Variants in RB1 observed in about 807,000 individuals in gnomAD.
RB1 encodes the protein retinoblastoma-associated protein.
RB1 carries 18 observed loss-of-function variants against 135.4 expected under a neutral mutation model. The observed-to-expected ratio is 0.13, with a 90% CI of 0.09 to 0.20. The LOEUF (loss-of-function observed/expected upper bound fraction) is 0.20. RB1 is among the 10% of genes least tolerant of loss of function. The pLI, the probability that RB1 is intolerant of heterozygous loss-of-function variation, is 1.00. For synonymous variants in RB1, 365 were observed against 373.2 expected, an observed-to-expected ratio of 0.98 and a Z score of 0.25; for missense variants, 868 against 1,110.0, an observed-to-expected ratio of 0.78 and a Z score of 3.10.
intron 6 of RB1, among the ~76,000 whole-genome samples, chr13:48,354,429 G>C (rs566840121): frequency 3.3e-5 from 5 of 151,806 alleles, no homozygotes. Context: ...AGAAATTGAA[G>C]AGCACACCAA....
rs1593445085 is a variant in RB1 at position 48,362,818 on chromosome 13, C to T, written c.722C>T (p.Thr241Ile). Residue 241 changes from threonine to isoleucine, a missense_variant, in exon 8 of 27, where the codon ACA becomes ATA. Around this residue, in one of 3 missense-constraint regions of RB1, gnomAD observed 641 missense variants for 791.3 expected, o/e 0.81. Transcript: ENST00000267163. Reference protein sequence around the residue: ...PPMLLKEPYKTAVIPINGSPR... With the variant: ...PPMLLKEPYKIAVIPINGSPR... ...ATCTAATTTACCACTTTTACAGAAA[C>T]AGCTGTTATACCCATTAATGGTTCA... 6.2e-7 allele frequency: 1 copy of T among 1,613,442 alleles called. No individual in the cohort carries two copies. Among genetic ancestry groups the T allele is most frequent in the Non-Finnish European group, 8.5e-7 (1 of 1,179,554 alleles).
intron 17 of RB1, among the ~76,000 whole-genome samples, chr13:48,419,586 ATGAAT>A (rs1246474189): frequency 6.6e-6 from 1 of 152,210 alleles, no homozygotes; most frequent in African/African-American, 2.4e-5. Context: ...CAAAAAATCA[ATGAAT>A]CCAGGAGCTG....
In RB1 at chr13:48,449,639, A is replaced by G. The variant is rs1425562671; in HGVS notation, c.1696-3354A>G. Among the ~76,000 whole-genome samples, 4 of 152,100 alleles carry G rather than the reference A, an allele frequency of 2.6e-5. No individual in the cohort carries two copies. The East Asian group carries it at 5.8e-4, about 22-fold the overall frequency. ...TAGCTGGGCACCATGGCGCATTCCTATAGTCCCAGCTACTCAGGAGGCTGC... is the reference window on the plus strand; with the variant it reads ...TAGCTGGGCACCATGGCGCATTCCTGTAGTCCCAGCTACTCAGGAGGCTGC... On this transcript the variant is annotated intron_variant, in intron 17 of 26. Coordinates refer to ENST00000267163, the MANE Select transcript of RB1 (RefSeq NM_000321.3).
rs764881599 is a variant in RB1 at position 48,345,184 on chromosome 13, T to A, written c.485T>A (p.Phe162Tyr). The change falls in exon 4 of 27, where the codon TTC becomes TAC. Residue 162 changes from phenylalanine (F) to tyrosine (Y), a missense_variant. Around this residue, in one of 3 missense-constraint regions of RB1, gnomAD observed 641 missense variants for 791.3 expected, o/e 0.81. Transcript: ENST00000267163. Reference sequence around the variant, plus strand: ...AAGTATGATGTATTGTTTGCACTCTTCAGCAAATTGGAAAGGTAAAGTAAA... The same window carrying A: ...AAGTATGATGTATTGTTTGCACTCTACAGCAAATTGGAAAGGTAAAGTAAA... ...LKKYDVLFALFSKLERTCELI... is the reference protein window; with the variant it reads ...LKKYDVLFALYSKLERTCELI... 48 of 1,612,342 alleles carry A rather than the reference T, an allele frequency of 3.0e-5. No individual in the cohort carries two copies. In the South Asian group the frequency reaches 4.3e-4, roughly 14 times the overall value.
At chr13:48,410,401 G>A (rs930521638) in intron 17 of RB1, among the ~76,000 whole-genome samples, 8 of 152,142 alleles carry the variant, frequency 5.3e-5, no homozygotes, top group Non-Finnish European at 1.2e-4. Flanking sequence ...GTGTAATAGT[G>A]TATACCTTCT....
At chr13:48,472,505 T>C (rs533413878) in intron 23 of RB1, among the ~76,000 whole-genome samples, 6 of 152,198 alleles carry the variant, frequency 3.9e-5, no homozygotes, top group Admixed American at 2.0e-4. Flanking sequence ...TGAAAATGTA[T>C]ACTTAGGTAG....
chr13:48,333,537 T>A (rs780002108), intron 2 of RB1, among the ~76,000 whole-genome samples: 1 of 152,106 alleles, frequency 6.6e-6, no homozygotes, highest in Non-Finnish European at 1.5e-5. Context: ...AGGTTATGTA[T>A]CATCTGTTCA....
chr13:48,363,023 A>G (rs1952657721), intron 8 of RB1, 66 bp downstream of exon 8: 1 of 1,572,758 alleles, frequency 6.4e-7, no homozygotes, highest in East Asian at 2.3e-5. Flanking sequence ...CTCCCTAACA[A>G]TATTTACTTC....
At chr13:48,475,890 G>A (rs1013335495) in intron 24 of RB1, among the ~76,000 whole-genome samples, 28 of 152,300 alleles carry the variant, frequency 1.8e-4, no homozygotes, top group African/African-American at 6.7e-4. Context: ...AAGGACAGTT[G>A]GAACTGGCTA....
intron 1 of RB1, 31 bp downstream of exon 1, chr13:48,304,080 C>G (rs773624735): frequency 7.2e-7 from 1 of 1,390,194 alleles, no homozygotes; most frequent in Non-Finnish European, 9.2e-7. Flanking sequence ...TCGCCTCACG[C>G]GGGAAGGGCG....
At chr13:48,363,644 T>A (rs1952664868) in intron 8 of RB1, among the ~76,000 whole-genome samples, 1 of 152,176 alleles carries the variant, frequency 6.6e-6, no homozygotes, top group Non-Finnish European at 1.5e-5. Context: ...ATACCAACAT[T>A]AAATTTCTGT....
intron 17 of RB1, chr13:48,445,175 T>A (rs1027472434): frequency 6.6e-6 from 1 of 152,150 alleles, no homozygotes; most frequent in Non-Finnish European, 1.5e-5. Context: ...GCAATATGGA[T>A]TATGGTGGAC....
rs193005479 is a variant in RB1, at chr13:48,337,960, A to C, written c.265-4639A>C. ...ATGAAGCCTAGTTTGGCTGGATATG[A>C]AATTCTGGGTTGAAAATTCTTTTCT... On this transcript the variant is annotated intron_variant, in intron 2 of 26. Transcript: ENST00000267163. Among the ~76,000 whole-genome samples, 157 of 152,332 alleles carry C rather than the reference A, an allele frequency of 1.0e-3. 1 individual carries two copies. Among genetic ancestry groups the C allele is most frequent in the Non-Finnish European group, 1.7e-3 (117 of 68,030 alleles).
Position 48,481,356 on chromosome 13 carries a change from C to T in RB1, c.*1285C>T, listed in dbSNP as rs1466423488. 4.3e-6 allele frequency: 1 copy of T among 231,986 alleles called. No individual in the cohort carries two copies. The highest frequency in any genetic ancestry group is 8.5e-6 in the Non-Finnish European group (1 of 117,306). 14.4% of individuals were successfully genotyped at this position (231,986 alleles called of 1,614,324 possible). ...GAAAAAGAGGCGCTTCTCCCCTCCC[C>T]TACACCTAAAGGTGTATTTAAACTA... On this transcript the variant is annotated 3_prime_UTR_variant, in exon 27 of 27. Transcript: ENST00000267163.
At chr13:48,320,635 C>T (rs1006812048) in intron 2 of RB1, among the ~76,000 whole-genome samples, 2 of 152,016 alleles carry the variant, frequency 1.3e-5, no homozygotes, top group African/African-American at 4.8e-5. Flanking sequence ...GTTTGAGACC[C>T]GCCTGGCCAA....
intron 26 of RB1, among the ~76,000 whole-genome samples, chr13:48,479,005 T>C (rs1017516932): frequency 2.0e-5 from 3 of 152,088 alleles, no homozygotes; most frequent in African/African-American, 7.2e-5. Context: ...GGTGAGAGGA[T>C]TGCTTGAGGC....
At chr13:48,462,781 G>C (rs1949414083) in intron 20 of RB1, among the ~76,000 whole-genome samples, 1 of 152,114 alleles carries the variant, frequency 6.6e-6, no homozygotes, top group Admixed American at 6.5e-5. Flanking sequence ...AGTTGAGGTA[G>C]GGGTCCAGCT....
chr13:48,315,639 T>C (rs1387041459), intron 2 of RB1, among the ~76,000 whole-genome samples: 1 of 152,248 alleles, frequency 6.6e-6, no homozygotes, highest in Non-Finnish European at 1.5e-5. Flanking sequence ...GCCTCTTAAG[T>C]ATGATGTTGG....
chr13:48,346,944 A>C (rs1179569225), intron 4 of RB1, among the ~76,000 whole-genome samples: 4 of 151,830 alleles, frequency 2.6e-5, no homozygotes, highest in African/African-American at 9.7e-5. Flanking sequence ...TTTAAGATCT[A>C]TAATCATCAG....
Sources: allele counts gnomAD v4.1 joint callset (sites outside exome capture counted in the v4.1 genomes callset), GRCh38; gene constraint gnomAD v4.1.1; regional missense constraint gnomAD v4.1.1; transcripts MANE v1.5; gene names NCBI Gene and HGNC (gene_info 2026-07-23, HGNC 2026-07-21).